The following INPP5A variants were observed in gnomAD, a reference collection of about 807,000 sequenced individuals.
INPP5A encodes the protein inositol polyphosphate-5-phosphatase A, also known as 43 kDa inositol polyphosphate 5-phophatase.
In INPP5A, 14 loss-of-function variants were observed where a neutral mutation model predicts 65.2. The observed-to-expected ratio is 0.21, with a 90% CI of 0.14 to 0.34. The LOEUF (loss-of-function observed/expected upper bound fraction) is 0.34, where lower values mean the gene tolerates loss of function less well. INPP5A is among the 10% of genes least tolerant of loss of function. The probability of loss-of-function intolerance (pLI) is 1.00; values close to 1 mark genes in which losing one functional copy is unlikely to be tolerated. For synonymous variants in INPP5A, 207 were observed against 208.3 expected, an observed-to-expected ratio of 0.99 and a Z score of 0.05; for missense variants, 431 against 545.6, an observed-to-expected ratio of 0.79 and a Z score of 2.09.
chr10:132,565,490 G>C (rs2071260833), intron 1 of INPP5A, among the ~76,000 whole-genome samples: 1 of 152,182 alleles, frequency 6.6e-6, no homozygotes, highest in African/African-American at 2.4e-5. Context: ...CCAGGCCGAG[G>C]CATTACCTTT....
chr10:132,544,123 T>C (rs902985423), intron 1 of INPP5A, among the ~76,000 whole-genome samples: 4 of 152,246 alleles, frequency 2.6e-5, no homozygotes, highest in Non-Finnish European at 4.4e-5. Context: ...TTGGCGCCCC[T>C]GGGCTCAGGC....
At chr10:132,594,369 C>T (rs114540003) in intron 1 of INPP5A, among the ~76,000 whole-genome samples, 2 of 152,224 alleles carry the variant, frequency 1.3e-5, no homozygotes, top group Non-Finnish European at 2.9e-5. Flanking sequence ...TCCATCACTG[C>T]GGAACGTACT....
At chr10:132,642,682 C>G (rs2072441379) in intron 2 of INPP5A, among the ~76,000 whole-genome samples, 1 of 152,206 alleles carries the variant, frequency 6.6e-6, no homozygotes, top group Non-Finnish European at 1.5e-5. Flanking sequence ...ATGTCACGTA[C>G]ACTTGCTGTT....
rs2071036210 is a variant in INPP5A, at chr10:132,550,497, G to A, written c.75+12326G>A. The stretch of plus-strand genomic sequence containing the variant: ...CCTGGAGCAGCGCCCGTGAGAGGAG[G>A]GAAGCGACACCCTTGGGCTGAGCTT... On this transcript the variant is annotated intron_variant, in intron 1 of 15. Transcript: ENST00000368594. This position sits in a 1 kb window ranked among gnomAD's most constrained non-coding sequence, Gnocchi z 4.2. Among the ~76,000 whole-genome samples the A allele has an allele frequency of 6.6e-6, 1 of 152,208 alleles. No individual in the cohort carries two copies. The highest frequency in any genetic ancestry group is 1.5e-5 in the Non-Finnish European group (1 of 68,028).
At chr10:132,725,450 C>T (rs1021559394) in intron 8 of INPP5A, among the ~76,000 whole-genome samples, 8 of 152,200 alleles carry the variant, frequency 5.3e-5, no homozygotes, top group South Asian at 2.1e-4. Flanking sequence ...GGCGGGGCAA[C>T]GCAGAACAAG....
intron 1 of INPP5A, among the ~76,000 whole-genome samples, chr10:132,579,828 G>C (rs1380443535): frequency 6.6e-6 from 1 of 151,962 alleles, no homozygotes; most frequent in African/African-American, 2.4e-5. Context: ...CCCCTGCTTC[G>C]TCATCCACCT....
At chr10:132,744,897 C>A (rs1345139719) in intron 9 of INPP5A, among the ~76,000 whole-genome samples, 1 of 152,222 alleles carries the variant, frequency 6.6e-6, no homozygotes, top group Non-Finnish European at 1.5e-5. Context: ...CCATGTTAGA[C>A]ATGCCGCCAC....
chr10:132,732,401 T>A (rs1846102749), intron 9 of INPP5A, among the ~76,000 whole-genome samples: 1 of 152,218 alleles, frequency 6.6e-6, no homozygotes. Context: ...GTTTACTATG[T>A]AAGTAAAGCG....
chr10:132,748,155 TC>T (rs1846405527), intron 9 of INPP5A, among the ~76,000 whole-genome samples: 1 of 152,162 alleles, frequency 6.6e-6, no homozygotes, highest in African/African-American at 2.4e-5. Context: ...TTCTAGACTA[TC>T]CCTCCAGCCC....
At chr10:132,631,162 T>C (rs2072267996) in intron 2 of INPP5A, among the ~76,000 whole-genome samples, 1 of 152,150 alleles carries the variant, frequency 6.6e-6, no homozygotes, top group Non-Finnish European at 1.5e-5. Context: ...GGTGAGGTCA[T>C]GGAAACTCAT....
chr10:132,653,981 G>A (rs930944026), intron 4 of INPP5A, among the ~76,000 whole-genome samples: 13 of 152,362 alleles, frequency 8.5e-5, no homozygotes, highest in African/African-American at 2.2e-4. Context: ...CAGCACACAC[G>A]CTTCCCAATT....
chr10:132,585,386 A>G (rs1304376418), intron 1 of INPP5A, among the ~76,000 whole-genome samples: 2 of 152,250 alleles, frequency 1.3e-5, no homozygotes, highest in Non-Finnish European at 2.9e-5. Context: ...GAGCACATTC[A>G]TGTAACTTCT....
intron 4 of INPP5A, among the ~76,000 whole-genome samples, chr10:132,654,455 G>A (rs1445249834): frequency 3.3e-5 from 5 of 152,326 alleles, no homozygotes; most frequent in Admixed American, 1.3e-4. Flanking sequence ...ACCTCGGAAC[G>A]CTGCCCCCTG....
At position 132,606,240 on chromosome 10, in the gene INPP5A, C is replaced by A. The variant is rs552193299; in HGVS notation, c.76-1675C>A. Among the ~76,000 whole-genome samples the A allele has an allele frequency of 5.3e-4, 80 of 151,690 alleles. 1 individual carries two copies. The highest frequency in any genetic ancestry group is 1.8e-3 in the African/African-American group (75 of 41,438). On this transcript the variant is annotated intron_variant, in intron 1 of 15. Coordinates refer to ENST00000368594, the MANE Select transcript of INPP5A (RefSeq NM_005539.5). Reference sequence around the variant, plus strand: ...CACGTGGGCTGAGGGTCCTCAGTGGCGGGACAGCGGCGTGGGTCAGTCGCC... The same window carrying A: ...CACGTGGGCTGAGGGTCCTCAGTGGAGGGACAGCGGCGTGGGTCAGTCGCC...
intron 1 of INPP5A, among the ~76,000 whole-genome samples, chr10:132,590,025 A>T (rs2071598501): frequency 6.6e-6 from 1 of 152,246 alleles, no homozygotes; most frequent in Non-Finnish European, 1.5e-5. Flanking sequence ...TCCTGCACGG[A>T]TGGTTTCACA....
chr10:132,549,353 C>G lies in INPP5A; in HGVS notation c.75+11182C>G, dbSNP rs147774483. ...GTCGAGTGGTGTGGAAGGACTCTAG[C>G]TCTTCTGCATCATGCCAGCACTTGG... On this transcript the variant is annotated intron_variant, in intron 1 of 15. Transcript: ENST00000368594. This position sits in a 1 kb window ranked among gnomAD's most constrained non-coding sequence, Gnocchi z 4.9. Among the ~76,000 whole-genome samples the G allele has an allele frequency of 6.6e-6, 1 of 152,292 alleles. No individual in the cohort carries two copies. The highest frequency in any genetic ancestry group is 6.5e-5 in the Admixed American group (1 of 15,298).
intron 4 of INPP5A, among the ~76,000 whole-genome samples, chr10:132,670,200 AC>A (rs1211055386): frequency 5.0e-4 from 3 of 6,048 alleles, no homozygotes; most frequent in Non-Finnish European, 3.3e-4. Flanking sequence ...CCCTGACCCC[AC>A]CCCCCCGACC....
At chr10:132,588,474 A>G (rs550914833) in intron 1 of INPP5A, among the ~76,000 whole-genome samples, 33 of 152,328 alleles carry the variant, frequency 2.2e-4, no homozygotes, top group Non-Finnish European at 4.3e-4. Context: ...TTTAGCTGCA[A>G]TGTATTTATG....
At position 132,777,569 on chromosome 10, in the gene INPP5A, G is replaced by A; in HGVS notation, c.978-102G>A. The A allele has an allele frequency of 3.1e-6, 3 of 974,310 alleles. 1 individual carries two copies. Among genetic ancestry groups the A allele is most frequent in the Non-Finnish European group, 3.1e-6 (2 of 642,522 alleles). 60.4% of individuals were successfully genotyped at this position (974,310 alleles called of 1,614,324 possible). On this transcript the variant is annotated intron_variant, in intron 12 of 15. Coordinates refer to ENST00000368594, the MANE Select transcript of INPP5A (RefSeq NM_005539.5). ...TGTATTCATTCCCCAGGTAGTGCTG[G>A]CCATTCTAAGGTGTATTGGGAGAGA...
Sources: allele counts gnomAD v4.1 joint callset (sites outside exome capture counted in the v4.1 genomes callset), GRCh38; gene constraint gnomAD v4.1.1; non-coding constraint Gnocchi (gnomAD v3.1); transcripts MANE v1.5; gene names NCBI Gene and HGNC (gene_info 2026-07-23, HGNC 2026-07-21).